CNTN4: variants seen among roughly 807,000 people sequenced by gnomAD.
The protein encoded by CNTN4 is contactin-4.
Under a neutral mutation model 122.5 loss-of-function variants are expected in CNTN4, and 77 were observed. The ratio of observed to expected loss-of-function variants is 0.63; its 90% CI spans 0.52 to 0.76. The LOEUF (loss-of-function observed/expected upper bound fraction) is 0.76. CNTN4 is among the 30% of genes least tolerant of loss of function. CNTN4 has a pLI of 0.00. For synonymous variants in CNTN4, 512 were observed against 447.0 expected (o/e 1.15, Z -1.83); for missense variants, 1,256 against 1,259.1 (o/e 1.00, Z 0.04).
chr3:2,387,742 A>T (rs1330339089), intron 3 of CNTN4, among the ~76,000 whole-genome samples: 2 of 152,226 alleles, frequency 1.3e-5, no homozygotes, highest in Non-Finnish European at 2.9e-5. Flanking sequence ...TTTTTCCTGC[A>T]AGAGTTGAGA....
intron 15 of CNTN4, 94 bp from the exon 16 acceptor site, chr3:3,030,761 A>G: frequency 1.4e-6 from 2 of 1,422,374 alleles, no homozygotes; most frequent in East Asian, 4.6e-5. Context: ...CAGCCAGTGT[A>G]AAATAAATCC....
chr3:2,925,059 C>G (rs1039650006), intron 12 of CNTN4, among the ~76,000 whole-genome samples: 4 of 152,150 alleles, frequency 2.6e-5, no homozygotes, highest in Non-Finnish European at 5.9e-5. Flanking sequence ...AGTCCCTCAA[C>G]AGGGAGATGA....
At chr3:2,751,807 T>G (rs6807649) in intron 6 of CNTN4, among the ~76,000 whole-genome samples, 133,009 of 151,944 alleles carry the variant, frequency 0.88, 59,264 homozygotes, top group Non-Finnish European at 0.97. Flanking sequence ...TAAATTTCAG[T>G]ACACACCCCT....
At chr3:2,303,695 C>G (rs920814117) in intron 2 of CNTN4, among the ~76,000 whole-genome samples, 1 of 152,116 alleles carries the variant, frequency 6.6e-6, no homozygotes, top group Non-Finnish European at 1.5e-5. Context: ...TCATACCTTG[C>G]AATTTCAGCA....
chr3:2,804,154 G>C (rs2728088), intron 6 of CNTN4, among the ~76,000 whole-genome samples: 100,769 of 151,372 alleles, frequency 0.67, 34,980 homozygotes, highest in East Asian at 0.78. Context: ...TCAGCAGTGG[G>C]GGTATAGTCA....
intron 6 of CNTN4, among the ~76,000 whole-genome samples, chr3:2,815,573 T>TA (rs2092706914): frequency 6.6e-6 from 1 of 151,974 alleles, no homozygotes; most frequent in Admixed American, 6.5e-5. Context: ...ATGGCCATAA[T>TA]CAAAAAACAG....
At chr3:2,440,645 T>A (rs2048400039) in intron 3 of CNTN4, among the ~76,000 whole-genome samples, 2 of 151,908 alleles carry the variant, frequency 1.3e-5, no homozygotes, top group African/African-American at 2.4e-5. Context: ...CTGAATTTTT[T>A]AATTTACTCA....
chr3:2,376,340 A>T (rs374566769), intron 3 of CNTN4, among the ~76,000 whole-genome samples: 1 of 152,210 alleles, frequency 6.6e-6, no homozygotes. Context: ...TAGTAAGTGC[A>T]CAATAAATAT....
chr3:2,144,616 G>A (rs760416629), intron 2 of CNTN4, among the ~76,000 whole-genome samples: 1 of 151,982 alleles, frequency 6.6e-6, no homozygotes, highest in African/African-American at 2.4e-5. Flanking sequence ...ACAATGACAC[G>A]GATTACCGAG....
intron 6 of CNTN4, among the ~76,000 whole-genome samples, chr3:2,770,802 G>T (rs1333224892): frequency 6.6e-6 from 1 of 152,226 alleles, no homozygotes; most frequent in African/African-American, 2.4e-5. Context: ...GATGCTCAGT[G>T]TGAGACCAGT....
Position 2,522,085 on chromosome 3 carries a change from A to G in CNTN4, c.-88-49331A>G, listed in dbSNP as rs192942710. Among the ~76,000 whole-genome samples the G allele has an allele frequency of 3.5e-3, 530 of 151,760 alleles. 4 individuals are homozygous for G. Among genetic ancestry groups the G allele is most frequent in the African/African-American group, 0.012 (504 of 41,406 alleles). On this transcript the variant is annotated intron_variant, in intron 3 of 24. Transcript: ENST00000418658. ...GCACTTAGGGGTTTATTTATCCATT[A>G]TCAGGCAGGCAAATCCTCTACTGAC...
At chr3:2,595,285 A>G (rs1438972593) in intron 4 of CNTN4, among the ~76,000 whole-genome samples, 3 of 152,364 alleles carry the variant, frequency 2.0e-5, no homozygotes, top group Non-Finnish European at 2.9e-5. Context: ...TAAAGATATT[A>G]TCCTTAGTTT....
chr3:2,892,087 A>C (rs1333740101), intron 10 of CNTN4: 2 of 152,224 alleles, frequency 1.3e-5, no homozygotes, highest in African/African-American at 4.8e-5. Flanking sequence ...AAGAGATTAA[A>C]GTAATTGATT....
At chr3:2,390,215 A>AGAGT (rs1553639074) in intron 3 of CNTN4, among the ~76,000 whole-genome samples, 2 of 144,770 alleles carry the variant, frequency 1.4e-5, no homozygotes, top group South Asian at 4.5e-4. Flanking sequence ...AGGAAAAAAG[A>AGAGT]GTGTGTGTGT....
intron 2 of CNTN4, among the ~76,000 whole-genome samples, chr3:2,210,210 T>C (rs559348866): frequency 6.6e-6 from 1 of 152,258 alleles, no homozygotes; most frequent in East Asian, 1.9e-4. Context: ...AAAAATGATA[T>C]GATAGATCTG....
intron 2 of CNTN4, among the ~76,000 whole-genome samples, chr3:2,243,329 A>G (rs934866010): frequency 2.0e-5 from 3 of 152,102 alleles, no homozygotes; most frequent in African/African-American, 7.2e-5. Context: ...TCTCTCCCAA[A>G]TAAGACAAGA....
chr3:2,430,279 G>T (rs748665768), intron 3 of CNTN4, among the ~76,000 whole-genome samples: 7 of 151,954 alleles, frequency 4.6e-5, no homozygotes, highest in Admixed American at 2.0e-4. Context: ...AAAATTAGCC[G>T]GGCGTGGTGG....
intron 5 of CNTN4, among the ~76,000 whole-genome samples, chr3:2,737,293 C>G (rs943870318): frequency 6.6e-6 from 1 of 152,100 alleles, no homozygotes; most frequent in African/African-American, 2.4e-5. Flanking sequence ...GTTGGCCAAA[C>G]TGGTCTCGTA....
intron 2 of CNTN4, among the ~76,000 whole-genome samples, chr3:2,187,372 G>A (rs956310337): frequency 2.6e-5 from 4 of 152,236 alleles, no homozygotes. Flanking sequence ...GATGCCTCCA[G>A]CTTTGTTCTT....
Sources: gnomAD v4.1 joint callset for allele counts (sites outside exome capture counted in the v4.1 genomes callset) on GRCh38, gnomAD v4.1.1 for gene constraint, MANE v1.5 for transcripts, NCBI Gene and HGNC (gene_info 2026-07-23, HGNC 2026-07-21) for gene names.